The following PRP4K variants were observed in gnomAD, a reference collection of about 807,000 sequenced individuals.
PRP4K encodes serine/threonine-protein kinase PRP4 homolog.
the PRP4K span, among the ~76,000 whole-genome samples, chr6:4,035,621 G>A: frequency 2.6e-5 from 4 of 152,098 alleles, no homozygotes; most frequent in Non-Finnish European, 5.9e-5. Flanking sequence ...GGATTCTTGG[G>A]TTCTGTATAC....
At chr6:4,026,505 G>A in the PRP4K span, among the ~76,000 whole-genome samples, 4 of 151,954 alleles carry the variant, frequency 2.6e-5, no homozygotes, top group Admixed American at 2.6e-4. Context: ...GTTTCACCAT[G>A]TTGGCCAGGC....
chr6:4,032,385 A>C, the PRP4K span: 1 of 1,614,120 alleles, frequency 6.2e-7, no homozygotes, highest in Non-Finnish European at 8.5e-7. Context: ...CGATCGAGGT[A>C]AAAAATCCAG....
the PRP4K span, among the ~76,000 whole-genome samples, chr6:4,051,379 T>A: frequency 6.6e-6 from 1 of 152,054 alleles, no homozygotes; most frequent in Non-Finnish European, 1.5e-5. Context: ...GGTGGTGAGA[T>A]CTCAGCTCAA....
At chr6:4,032,668 G>A in the PRP4K span, 27 of 1,613,618 alleles carry the variant, frequency 1.7e-5, no homozygotes, top group African/African-American at 5.3e-5. Context: ...TCCCCCTCGC[G>A]GACACTGTCT....
the PRP4K span, among the ~76,000 whole-genome samples, chr6:4,045,210 C>T: frequency 6.6e-6 from 1 of 152,158 alleles, no homozygotes; most frequent in African/African-American, 2.4e-5. Flanking sequence ...AACTTTGGCA[C>T]TGAAATTTGA....
At chr6:4,037,371 T>G in the PRP4K span, 1 of 1,526,878 alleles carries the variant, frequency 6.5e-7, no homozygotes. Flanking sequence ...TTATATTTCT[T>G]TTAACTTGCA....
the PRP4K span, chr6:4,061,238 T>C: frequency 6.5e-6 from 1 of 153,020 alleles, no homozygotes; most frequent in African/African-American, 2.4e-5. Flanking sequence ...GTGGCAGAAT[T>C]CCCTGCATGT....
the PRP4K span, among the ~76,000 whole-genome samples, chr6:4,044,621 T>A: frequency 6.6e-6 from 1 of 152,040 alleles, no homozygotes; most frequent in Non-Finnish European, 1.5e-5. Context: ...TCTAACTGGG[T>A]TGGGGAAAGG....
the PRP4K span, among the ~76,000 whole-genome samples, chr6:4,024,845 C>T: frequency 3.5e-4 from 54 of 152,228 alleles, no homozygotes; most frequent in African/African-American, 1.2e-3. Flanking sequence ...TCAGGTGATC[C>T]GCCAGTCTCA....
the PRP4K span, chr6:4,057,269 A>T: frequency 3.4e-6 from 5 of 1,455,104 alleles, no homozygotes; most frequent in Non-Finnish European, 4.7e-6. Flanking sequence ...ACCACTAGTG[A>T]GCTATAAAAC....
At chr6:4,037,264 G>A in the PRP4K span, 3 of 836,578 alleles carry the variant, frequency 3.6e-6, no homozygotes, top group Non-Finnish European at 3.4e-6. Flanking sequence ...AGTAAGTTTT[G>A]TTACAAAACA....
the PRP4K span, among the ~76,000 whole-genome samples, chr6:4,044,857 A>ATTTT: frequency 6.0e-5 from 7 of 116,990 alleles, no homozygotes; most frequent in African/African-American, 2.1e-4. Context: ...TATTATTATT[A>ATTTT]TTATTATTTT....
the PRP4K span, chr6:4,056,928 TG>T: frequency 8.5e-7 from 1 of 1,176,190 alleles, no homozygotes; most frequent in Non-Finnish European, 1.2e-6. Context: ...ATGAAGATTG[TG>T]GTTATAGTCC....
At chr6:4,060,962 G>A in the PRP4K span, 1 of 253,100 alleles carries the variant, frequency 4.0e-6, no homozygotes, top group Non-Finnish European at 7.7e-6. The surrounding 1 kb of genome is among the most constrained non-coding windows in gnomAD (Gnocchi z 4.7). Context: ...CTTCATTTTG[G>A]TCTTGAGATA....
At chr6:4,049,838 C>T in the PRP4K span, 3 of 1,614,018 alleles carry the variant, frequency 1.9e-6, no homozygotes, top group South Asian at 2.2e-5. Context: ...CAAGAGCCAA[C>T]CAAGAAGTGG....
chr6:4,021,936 A>G, the PRP4K span, among the ~76,000 whole-genome samples: 2 of 151,892 alleles, frequency 1.3e-5, no homozygotes, highest in African/African-American at 4.8e-5. Flanking sequence ...TCAGTTTAGG[A>G]CCTGAAAGCA....
the PRP4K span, among the ~76,000 whole-genome samples, chr6:4,028,941 TTCTC>T: frequency 4.6e-5 from 7 of 151,624 alleles, no homozygotes; most frequent in African/African-American, 1.7e-4. Context: ...GAACCTTTAA[TTCTC>T]TCTCAACTAC....
the PRP4K span, chr6:4,057,284 A>G: frequency 1.5e-6 from 2 of 1,319,982 alleles, no homozygotes; most frequent in East Asian, 2.4e-5. Context: ...TAAAACAAAA[A>G]TTTCAGAAAG....
chr6:4,046,415 G>A, the PRP4K span, among the ~76,000 whole-genome samples: 2 of 152,054 alleles, frequency 1.3e-5, no homozygotes, highest in Admixed American at 6.6e-5. Context: ...TGGTTAAAGC[G>A]ACTGGATTTT....
Sources: gnomAD v4.1 joint callset for allele counts (sites outside exome capture counted in the v4.1 genomes callset) on GRCh38, gnomAD v4.1.1 for gene constraint, Gnocchi (gnomAD v3.1) non-coding constraint, MANE v1.5 for transcripts, NCBI Gene and HGNC (gene_info 2026-07-23, HGNC 2026-07-21) for gene names.